The following PABPC4L variants were observed in gnomAD, a reference collection of about 807,000 sequenced individuals.
PABPC4L encodes the protein poly(A) binding protein cytoplasmic 4 like, also known as polyadenylate-binding protein 4-like.
For synonymous variants in PABPC4L, 169 were observed against 164.1 expected, an observed-to-expected ratio of 1.03 and a Z score of -0.23; for missense variants, 452 against 451.4, an observed-to-expected ratio of 1.00 and a Z score of -0.01.
the PABPC4L span, among the ~76,000 whole-genome samples, chr4:134,188,392 A>G: frequency 6.6e-6 from 1 of 152,094 alleles, no homozygotes; most frequent in African/African-American, 2.4e-5. Context: ...TTATTTCTTC[A>G]CCATGCTCTC....
chr4:134,158,801 A>C, the PABPC4L span, among the ~76,000 whole-genome samples: 1 of 152,112 alleles, frequency 6.6e-6, no homozygotes, highest in Non-Finnish European at 1.5e-5. Flanking sequence ...AAATGGCATC[A>C]TTAGGCAACT....
At chr4:134,041,141 T>A in the PABPC4L span, among the ~76,000 whole-genome samples, 1 of 152,120 alleles carries the variant, frequency 6.6e-6, no homozygotes, top group Non-Finnish European at 1.5e-5. Context: ...GTAAATTAGG[T>A]CAATCATTGT....
chr4:134,201,811 T>A (rs1018844839), upstream of PABPC4L: 7 of 152,242 alleles, frequency 4.6e-5, no homozygotes, highest in Non-Finnish European at 7.3e-5. Context: ...TTTTTAATAT[T>A]TTTTTTAAGA....
chr4:134,194,778 C>T (rs2126195775), downstream of PABPC4L, among the ~76,000 whole-genome samples: 1 of 151,638 alleles, frequency 6.6e-6, no homozygotes, highest in South Asian at 2.1e-4. Context: ...TGAAACAAGA[C>T]CAATTAATTT....
the PABPC4L span, among the ~76,000 whole-genome samples, chr4:134,058,418 A>T: frequency 6.6e-6 from 1 of 151,966 alleles, no homozygotes; most frequent in Non-Finnish European, 1.5e-5. Context: ...TCAAAGAACA[A>T]TATTTGTCAT....
At chr4:134,000,889 C>T in the PABPC4L span, among the ~76,000 whole-genome samples, 4 of 152,104 alleles carry the variant, frequency 2.6e-5, no homozygotes, top group Admixed American at 6.6e-5. Context: ...CCTACACCAC[C>T]GGTTTTCCTG....
At chr4:133,958,731 C>A in the PABPC4L span, among the ~76,000 whole-genome samples, 1 of 152,106 alleles carries the variant, frequency 6.6e-6, no homozygotes, top group African/African-American at 2.4e-5. Context: ...GGGAAAAAGC[C>A]CCTTAGAAAA....
the PABPC4L span, among the ~76,000 whole-genome samples, chr4:134,136,147 T>G: frequency 6.6e-6 from 1 of 152,090 alleles, no homozygotes; most frequent in Non-Finnish European, 1.5e-5. Context: ...AACCACAGCT[T>G]TACCAAATTC....
the PABPC4L span, among the ~76,000 whole-genome samples, chr4:134,003,128 A>T: frequency 6.6e-6 from 1 of 152,008 alleles, no homozygotes; most frequent in East Asian, 1.9e-4. Context: ...AGATTCATTA[A>T]TGTCAGAAGA....
the PABPC4L span, among the ~76,000 whole-genome samples, chr4:134,176,185 T>C: frequency 1.4e-4 from 22 of 152,108 alleles, no homozygotes; most frequent in Non-Finnish European, 2.9e-4. Flanking sequence ...TGTCAGCATA[T>C]TAGAAACTGT....
the PABPC4L span, among the ~76,000 whole-genome samples, chr4:134,034,355 ATGT>A: frequency 7.2e-5 from 11 of 152,054 alleles, no homozygotes; most frequent in African/African-American, 2.4e-4. Flanking sequence ...AAGGAAATAA[ATGT>A]TGTTTTCATG....
the PABPC4L span, among the ~76,000 whole-genome samples, chr4:134,004,337 A>G: frequency 6.6e-6 from 1 of 152,096 alleles, no homozygotes; most frequent in Middle Eastern, 3.4e-3. Flanking sequence ...GAAGGACCTG[A>G]ATAGACATTT....
chr4:134,002,290 T>C, the PABPC4L span, among the ~76,000 whole-genome samples: 3 of 151,844 alleles, frequency 2.0e-5, no homozygotes, highest in Non-Finnish European at 4.4e-5. Flanking sequence ...TAATACAAAA[T>C]ATTATATTAA....
chr4:134,028,195 G>A, the PABPC4L span, among the ~76,000 whole-genome samples: 3 of 152,104 alleles, frequency 2.0e-5, no homozygotes, highest in Non-Finnish European at 2.9e-5. Flanking sequence ...CCTACCAGGT[G>A]ATTCTGACTC....
the PABPC4L span, among the ~76,000 whole-genome samples, chr4:133,976,426 A>G: frequency 6.6e-6 from 1 of 152,096 alleles, no homozygotes; most frequent in African/African-American, 2.4e-5. Flanking sequence ...ATGCGTGTAC[A>G]TATCTTTATA....
the PABPC4L span, among the ~76,000 whole-genome samples, chr4:134,067,946 T>A: frequency 3.3e-5 from 5 of 152,144 alleles, no homozygotes; most frequent in Admixed American, 6.5e-5. Flanking sequence ...TATGGCTGAC[T>A]ATATGGTTGC....
At chr4:134,023,047 A>T in the PABPC4L span, among the ~76,000 whole-genome samples, 1 of 152,068 alleles carries the variant, frequency 6.6e-6, no homozygotes, top group South Asian at 2.1e-4. Context: ...GCCAGAAAGA[A>T]AGGGACTTGC....
At chr4:134,123,694 C>T in the PABPC4L span, among the ~76,000 whole-genome samples, 1 of 151,770 alleles carries the variant, frequency 6.6e-6, no homozygotes, top group African/African-American at 2.4e-5. Flanking sequence ...TATCTTGGGA[C>T]TTGTGAAGAA....
chr4:134,186,749 A>T, the PABPC4L span, among the ~76,000 whole-genome samples: 11 of 152,176 alleles, frequency 7.2e-5, no homozygotes, highest in Admixed American at 6.5e-4. Context: ...ATCAGCGTGA[A>T]CAGGCAACCT....
Sources: allele counts gnomAD v4.1 joint callset (sites outside exome capture counted in the v4.1 genomes callset), GRCh38; gene constraint gnomAD v4.1.1; transcripts MANE v1.5; gene names NCBI Gene and HGNC (gene_info 2026-07-23, HGNC 2026-07-21).